SPG11: variants seen among roughly 807,000 people sequenced by gnomAD.
The protein encoded by SPG11 is spatacsin.
Under a neutral mutation model 274.0 loss-of-function variants are expected in SPG11, and 222 were observed. The ratio of observed to expected loss-of-function variants is 0.81; its 90% CI spans 0.73 to 0.91. The LOEUF is 0.91. SPG11 is among the 40% of genes least tolerant of loss of function. SPG11 has a pLI of 0.00. For missense variants in SPG11, 3,114 were observed against 2,872.7 expected (o/e 1.08, Z -1.92); for synonymous variants, 1,144 against 1,039.7 (o/e 1.10, Z -1.93).
chr15:44,639,347 A>T (rs1291150546), intron 7 of SPG11, among the ~76,000 whole-genome samples: 2 of 151,940 alleles, frequency 1.3e-5, no homozygotes, highest in Non-Finnish European at 2.9e-5. Context: ...TGCTCTACTC[A>T]GGAATAAGGC....
chr15:44,569,540 C>T (rs1015342621), intron 34 of SPG11, 35 bp from the exon 35 acceptor site: 17 of 1,498,898 alleles, frequency 1.1e-5, no homozygotes, highest in Non-Finnish European at 1.6e-5. Context: ...ATCAGCATCA[C>T]CTGGAGTCTG....
At chr15:44,623,357 G>T (rs2083807603) in intron 11 of SPG11, among the ~76,000 whole-genome samples, 1 of 152,098 alleles carries the variant, frequency 6.6e-6, no homozygotes, top group African/African-American at 2.4e-5. Flanking sequence ...GGCTACCACA[G>T]GACCAAAATG....
chr15:44,598,120 G>C, intron 23 of SPG11, 145 bp downstream of exon 23: 1 of 659,732 alleles, frequency 1.5e-6, no homozygotes, highest in Admixed American at 2.4e-5. Flanking sequence ...CATTTACTGA[G>C]TATCTGCTAC....
intron 18 of SPG11, among the ~76,000 whole-genome samples, chr15:44,610,280 T>G (rs1242630949): frequency 6.6e-6 from 1 of 151,910 alleles, no homozygotes; most frequent in East Asian, 1.9e-4. Context: ...CTCAAACTCC[T>G]GTACTCAAGT....
intron 18 of SPG11, among the ~76,000 whole-genome samples, chr15:44,609,129 A>C (rs1029007568): frequency 1.3e-5 from 2 of 152,062 alleles, no homozygotes; most frequent in Non-Finnish European, 1.5e-5. Context: ...TTAGATATTA[A>C]ACAACATTCT....
rs771927456 is a variant in SPG11, at chr15:44,660,483, A to G, written c.391T>C (p.Tyr131His). ...KDGRCDATIL[Y>H]SCSREALQKL... is the part of the protein sequence containing the mutation. ...TGCAATGCCTCCCTACTACAGCTAT[A>G]CAAAATGGTTGCATCACATCTTCCA... The change falls in exon 2 of 40, where the codon TAT (tyrosine) becomes CAT (histidine). Residue 131 changes from tyrosine to histidine, a missense_variant. Physicochemically the swap from Tyr to His is moderately conservative, Grantham distance 83 (BLOSUM62 2). Coordinates refer to ENST00000261866, the MANE Select transcript of SPG11 (RefSeq NM_025137.4). 6.2e-7 allele frequency: 1 copy of G among 1,614,162 alleles called. No individual in the cohort carries two copies. Among genetic ancestry groups the G allele is most frequent in the Non-Finnish European group, 8.5e-7 (1 of 1,179,988 alleles).
chr15:44,562,786 A>G lies in SPG11; in HGVS notation c.*335T>C, dbSNP rs1355820745. 8.3e-6 allele frequency: 2 copies of G among 240,956 alleles called. No homozygotes were observed. Among genetic ancestry groups the G allele is most frequent in the Non-Finnish European group, 1.6e-5 (2 of 122,178 alleles). 14.9% of individuals were successfully genotyped at this position (240,956 alleles called of 1,614,324 possible). ...CCTTAACTGTGTAAATAATAATTAA[A>G]TTTCTTTGAAACTGGAATCTGCAGG... On this transcript the variant is annotated 3_prime_UTR_variant, in exon 40 of 40. Coordinates refer to ENST00000261866, the MANE Select transcript of SPG11 (RefSeq NM_025137.4).
In SPG11 at chr15:44,584,419, G is replaced by A. The variant is rs1257927460; in HGVS notation, c.5261C>T (p.Thr1754Ile). The A allele has an allele frequency of 2.5e-6, 4 of 1,614,040 alleles. No individual in the cohort carries two copies. The highest frequency in any genetic ancestry group is 3.4e-6 in the Non-Finnish European group (4 of 1,180,036). The stretch of plus-strand genomic sequence containing the variant: ...GTGCTCACATGCCACATGGGCCTGG[G>A]TTGAGAAAAAGGAAGAAGCTGCTTT... ...SSKAASSFFS[T>I]QAHVACEHPT... The change falls in exon 30 of 40, where the codon ACC (threonine) becomes ATC (isoleucine). Residue 1754 changes from threonine (T) to isoleucine (I), a missense_variant. Transcript: ENST00000261866.
chr15:44,587,451 A>G (rs1039699567), intron 28 of SPG11, among the ~76,000 whole-genome samples: 1 of 152,178 alleles, frequency 6.6e-6, no homozygotes, highest in African/African-American at 2.4e-5. Flanking sequence ...GCACCATGGG[A>G]GGCCAAGGCG....
intron 4 of SPG11, among the ~76,000 whole-genome samples, chr15:44,653,288 C>G (rs1051582154): frequency 7.2e-5 from 11 of 152,102 alleles, no homozygotes; most frequent in Admixed American, 7.2e-4. Context: ...TCTTTGAACA[C>G]TTACATTATT....
chr15:44,588,709 A>C (rs1162809688), intron 28 of SPG11: 2 of 406,224 alleles, frequency 4.9e-6, no homozygotes, highest in East Asian at 1.6e-4. Context: ...TTGTTTACTC[A>C]TGTGGTCCTA....
At chr15:44,611,771 C>T (rs1299389134) in intron 17 of SPG11, among the ~76,000 whole-genome samples, 1 of 146,538 alleles carries the variant, frequency 6.8e-6, no homozygotes, top group Non-Finnish European at 1.5e-5. Context: ...TATATCCATA[C>T]AATGAAATAT....
At chr15:44,603,495 A>G (rs1485414455) in intron 20 of SPG11, among the ~76,000 whole-genome samples, 1 of 152,246 alleles carries the variant, frequency 6.6e-6, no homozygotes, top group Non-Finnish European at 1.5e-5. Context: ...TAGAGCATGA[A>G]TATCTTAGAA....
In SPG11 at chr15:44,567,492, C is replaced by T. The variant is rs781690910; in HGVS notation, c.6686G>A (p.Arg2229Gln). 2.5e-5 allele frequency: 41 copies of T among 1,613,922 alleles called. No individual in the cohort carries two copies. The highest frequency in any genetic ancestry group is 3.3e-5 in the Admixed American group (2 of 59,992). ...TGCCTCGTGGTTCTCGCCAATCTCC[C>T]GGCACATGCTGAAGCACAGGGCAAT... ...NMIALCFSMC[R>Q]EIGENHEAAA... Residue 2229 changes from arginine (R) to glutamine (Q), a missense_variant, in exon 36 of 40, where the codon CGG becomes CAG. Transcript: ENST00000261866.
chr15:44,603,766 T>C (rs745468402), intron 20 of SPG11, among the ~76,000 whole-genome samples: 9 of 152,214 alleles, frequency 5.9e-5, no homozygotes, highest in Non-Finnish European at 1.3e-4. Flanking sequence ...CATTTCCCCA[T>C]ACACTTTAGA....
chr15:44,627,868 C>T (rs756071461), intron 10 of SPG11, among the ~76,000 whole-genome samples: 40 of 152,272 alleles, frequency 2.6e-4, no homozygotes, highest in Middle Eastern at 3.4e-3. Context: ...GGATTACAGG[C>T]GTGAGCCACC....
intron 26 of SPG11, among the ~76,000 whole-genome samples, chr15:44,594,996 T>C (rs1050060112): frequency 7.2e-5 from 11 of 152,122 alleles, no homozygotes; most frequent in Non-Finnish European, 1.0e-4. Context: ...TTTGTATTTT[T>C]AGTAGAGACA....
At position 44,567,501 on chromosome 15, in the gene SPG11, C is replaced by A. The variant is rs2082334964; in HGVS notation, c.6677G>T (p.Ser2226Ile). The change falls in exon 36 of 40, where the codon AGC becomes ATC. Residue 2226 changes from serine to isoleucine, a missense_variant. By Grantham distance (142) the Ser-to-Ile change is moderately radical (BLOSUM62 -2). Transcript: ENST00000261866. Reference sequence around the variant, plus strand: ...GTTCTCGCCAATCTCCCGGCACATGCTGAAGCACAGGGCAATCATATTGTG... The same window carrying A: ...GTTCTCGCCAATCTCCCGGCACATGATGAAGCACAGGGCAATCATATTGTG... The part of the protein sequence containing the change: ...EKHNMIALCF[S>I]MCREIGENHE... The A allele has an allele frequency of 1.2e-6, 2 of 1,614,096 alleles. No individual in the cohort carries two copies. Among genetic ancestry groups the A allele is most frequent in the Non-Finnish European group, 1.7e-6 (2 of 1,180,016 alleles).
In SPG11 at chr15:44,572,980, CTTTTTTTTTTTTT is replaced by C. The variant is rs974510197; in HGVS notation, c.6206-173_6206-161del. On this transcript the variant is annotated intron_variant, in intron 32 of 39. Transcript: ENST00000261866. ...TTGGTCATTTTATAGGACAGGAGTT[CTTTTTTTTTTTTT>C]TTTTTTTTTTTGAGATGGAGTCTTG... is the stretch of plus-strand genomic sequence containing the variant. Among the ~76,000 whole-genome samples, 500 of 83,310 alleles carry C rather than the reference CTTTTTTTTTTTTT, an allele frequency of 6.0e-3. 3 individuals carry two copies. The highest frequency in any genetic ancestry group is 0.034 in the Middle Eastern group (4 of 118). 54.7% of individuals were successfully genotyped at this position (83,310 alleles called of 152,430 possible).
Sources: allele counts gnomAD v4.1 joint callset (sites outside exome capture counted in the v4.1 genomes callset), GRCh38; gene constraint gnomAD v4.1.1; transcripts MANE v1.5; gene names NCBI Gene and HGNC (gene_info 2026-07-23, HGNC 2026-07-21).